UGT1A9: variants seen among roughly 807,000 people sequenced by gnomAD.
The protein encoded by UGT1A9 is UDP-glucuronosyltransferase 1A9.
Under a neutral mutation model 45.0 loss-of-function variants are expected in UGT1A9, and 35 were observed. That is an observed-to-expected ratio of 0.78 (90% CI 0.59 to 1.03). The LOEUF is 1.03. Among genes scored for constraint, UGT1A9 ranks in the 50% least tolerant of loss-of-function variants. The pLI, the probability that UGT1A9 is intolerant of heterozygous loss-of-function variation, is 0.00. For synonymous variants in UGT1A9, 278 were observed against 250.6 expected, an observed-to-expected ratio of 1.11 and a Z score of -1.03; for missense variants, 687 against 666.6, an observed-to-expected ratio of 1.03 and a Z score of -0.34.
intron 1 of UGT1A9, among the ~76,000 whole-genome samples, chr2:233,765,730 T>TAATAATAAA (rs1427774434): frequency 6.7e-6 from 1 of 150,190 alleles, no homozygotes; most frequent in Non-Finnish European, 1.5e-5. Context: ...ATAATAATAA[T>TAATAATAAA]AAATAAACCC....
chr2:233,716,913 A>C (rs1022916140), intron 1 of UGT1A9, among the ~76,000 whole-genome samples: 1 of 152,088 alleles, frequency 6.6e-6, no homozygotes, highest in Non-Finnish European at 1.5e-5. Flanking sequence ...AGACCCTGGA[A>C]GCTGATGCCT....
chr2:233,691,040 C>T, intron 1 of UGT1A9: 1 of 989,328 alleles, frequency 1.0e-6, no homozygotes, highest in Non-Finnish European at 1.2e-6. Flanking sequence ...GACCAACGTC[C>T]ACAGCAGAGT....
chr2:233,749,787 A>C (rs1694273187), intron 1 of UGT1A9, among the ~76,000 whole-genome samples: 1 of 151,760 alleles, frequency 6.6e-6, no homozygotes, highest in African/African-American at 2.4e-5. Context: ...ATAAGGGGCC[A>C]TTGTCCCTTC....
At chr2:233,746,036 T>C (rs1289078597) in intron 1 of UGT1A9, among the ~76,000 whole-genome samples, 1 of 151,694 alleles carries the variant, frequency 6.6e-6, no homozygotes, top group South Asian at 2.1e-4. Context: ...ACTTACTTGC[T>C]GGCTTGGATG....
At chr2:233,736,661 C>T (rs568296788) in intron 1 of UGT1A9, among the ~76,000 whole-genome samples, 1 of 152,264 alleles carries the variant, frequency 6.6e-6, no homozygotes, top group Admixed American at 6.5e-5. Flanking sequence ...GTTTTATGTA[C>T]CTTAGGTCTT....
intron 1 of UGT1A9, among the ~76,000 whole-genome samples, chr2:233,708,188 A>AT (rs2076007584): frequency 6.6e-6 from 1 of 152,238 alleles, no homozygotes; most frequent in Non-Finnish European, 1.5e-5. Flanking sequence ...TGTCGTGCAC[A>AT]TTTTAAATGT....
intron 1 of UGT1A9, among the ~76,000 whole-genome samples, chr2:233,695,274 T>A (rs1346738966): frequency 6.6e-6 from 1 of 152,090 alleles, no homozygotes; most frequent in South Asian, 2.1e-4. Flanking sequence ...TATAGGCATG[T>A]GCCACCATTC....
chr2:233,690,703 T>A, intron 1 of UGT1A9: 1 of 1,231,228 alleles, frequency 8.1e-7, no homozygotes, highest in South Asian at 1.4e-5. Context: ...TCTTTAGGGA[T>A]CGTCATTATG....
chr2:233,723,051 G>T (rs1327620442), intron 1 of UGT1A9, among the ~76,000 whole-genome samples: 1 of 141,468 alleles, frequency 7.1e-6, no homozygotes, highest in Non-Finnish European at 1.5e-5. Context: ...GGCACACTCG[G>T]TGTAACTTTA....
chr2:233,729,477 GA>G, intron 1 of UGT1A9: 2 of 1,614,194 alleles, frequency 1.2e-6, no homozygotes, highest in Middle Eastern at 1.6e-4. Context: ...TGGCAATGTT[GA>G]ACAATATGTC....
chr2:233,681,808 T>A, intron 1 of UGT1A9: 2 of 1,493,536 alleles, frequency 1.3e-6, no homozygotes, highest in Non-Finnish European at 1.8e-6. Flanking sequence ...GCAGTGAATG[T>A]GAATTTTTTT....
intron 1 of UGT1A9, chr2:233,729,894 G>A (rs2077943725): frequency 1.9e-6 from 3 of 1,613,848 alleles, no homozygotes; most frequent in East Asian, 4.5e-5. Context: ...CTGTGTGGCT[G>A]TTCCGAGGGG....
chr2:233,747,881 T>C, intron 1 of UGT1A9: 1 of 1,613,550 alleles, frequency 6.2e-7, no homozygotes, highest in Non-Finnish European at 8.5e-7. Context: ...TGTCCTACCT[T>C]TGCCATGCTC....
intron 1 of UGT1A9, among the ~76,000 whole-genome samples, chr2:233,699,277 G>C (rs571854472): frequency 2.9e-4 from 44 of 152,142 alleles, no homozygotes; most frequent in African/African-American, 1.1e-3. Context: ...CTTGAATCCA[G>C]GCCAGATGCT....
intron 1 of UGT1A9, among the ~76,000 whole-genome samples, chr2:233,758,599 C>A (rs1696920593): frequency 6.6e-6 from 1 of 152,110 alleles, no homozygotes; most frequent in Admixed American, 6.5e-5. Flanking sequence ...TGGGGAGGAG[C>A]TTCAGTGTGC....
intron 1 of UGT1A9, among the ~76,000 whole-genome samples, chr2:233,765,265 C>G (rs1223500650): frequency 6.6e-6 from 1 of 152,098 alleles, no homozygotes; most frequent in Non-Finnish European, 1.5e-5. Context: ...GGTATATACC[C>G]AAAGAAATAT....
Position 233,716,253 on chromosome 2 carries a change from C to T in UGT1A9, c.855+43464C>T, listed in dbSNP as rs28948390. On this transcript the variant is annotated intron_variant, in intron 1 of 4. Transcript: ENST00000354728. Reference sequence around the variant, plus strand: ...TACATTGTCCTGCCCGGACATCCAGCATAATCTCCCCATGTCAAAACCCTT... The same window carrying T: ...TACATTGTCCTGCCCGGACATCCAGTATAATCTCCCCATGTCAAAACCCTT... Among the ~76,000 whole-genome samples the T allele has an allele frequency of 8.7e-3, 1,327 of 152,306 alleles. 20 individuals are homozygous for T. Among genetic ancestry groups the T allele is most frequent in the African/African-American group, 0.03 (1,235 of 41,562 alleles).
intron 1 of UGT1A9, chr2:233,744,011 C>T (rs1159851013): frequency 1.6e-5 from 18 of 1,116,766 alleles, no homozygotes; most frequent in East Asian, 5.5e-5. Context: ...AGACCTGGGC[C>T]GCCTGGAGAG....
intron 1 of UGT1A9, chr2:233,693,337 G>T: frequency 6.2e-7 from 1 of 1,614,218 alleles, no homozygotes; most frequent in Non-Finnish European, 8.5e-7. Context: ...CTCAGACAGA[G>T]TACAGGAATA....
Sources: allele counts gnomAD v4.1 joint callset (sites outside exome capture counted in the v4.1 genomes callset), GRCh38; gene constraint gnomAD v4.1.1; transcripts MANE v1.5; gene names NCBI Gene and HGNC (gene_info 2026-07-23, HGNC 2026-07-21).